Variants in BPIFA3 observed in about 807,000 individuals in gnomAD.
The protein encoded by BPIFA3 is BPI fold containing family A member 3, also known as BPI fold-containing family A member 3.
A neutral mutation model predicts 29.7 loss-of-function variants in BPIFA3; 32 were observed. The ratio of observed to expected loss-of-function variants is 1.08; its 90% CI spans 0.81 to 1.45. The LOEUF (loss-of-function observed/expected upper bound fraction) is 1.45. BPIFA3 is among the 40% of genes most tolerant of loss of function. The pLI, the probability that BPIFA3 is intolerant of heterozygous loss-of-function variation, is 0.00. For missense variants in BPIFA3, 323 were observed against 311.3 expected, an observed-to-expected ratio of 1.04 and a Z score of -0.28; for synonymous variants, 112 against 113.7, an observed-to-expected ratio of 0.98 and a Z score of 0.10.
rs1568624250 is a variant in BPIFA3, at chr20:33,223,971, TGAGTTCTATCCGTGGCCCTG to T, written c.278+13_278+32del. The T allele has an allele frequency of 6.2e-7, 1 of 1,613,316 alleles. No individual in the cohort carries two copies. On this transcript the variant is annotated intron_variant, in intron 2 of 6. Coordinates refer to ENST00000375454, the MANE Select transcript of BPIFA3 (RefSeq NM_178466.5). ...AGCAGCAAGAGAGCAGGTGAGACCC[TGAGTTCTATCCGTGGCCCTG>T]GAACTCTTTATAGAGCTCTAGATCG...
chr20:33,224,206 C>G (rs1379353532), intron 2 of BPIFA3, 149 bp from the exon 3 acceptor site: 1 of 801,496 alleles, frequency 1.2e-6, no homozygotes, highest in South Asian at 1.8e-5. Flanking sequence ...GCACCTGACT[C>G]TTGCCCTCAG....
Position 33,226,507 on chromosome 20 carries a change from CTT to C in BPIFA3, c.621+19_621+20del. 1 of 1,564,484 alleles carries C rather than the reference CTT, an allele frequency of 6.4e-7. No homozygotes were observed. ...GAAAGTCAGGTAAGTTTAGAAAAAA[CTT>C]TGCATCTTGAGCATCCTTGAGTCCG... On this transcript the variant is annotated intron_variant, in intron 5 of 6. Coordinates refer to ENST00000375454, the MANE Select transcript of BPIFA3 (RefSeq NM_178466.5).
At position 33,225,153 on chromosome 20, in the gene BPIFA3, T is replaced by C. The variant is rs146096538; in HGVS notation, c.442T>C (p.Phe148Leu). Residue 148 changes from phenylalanine (F) to leucine (L), a missense_variant, in exon 4 of 7, where the codon TTC becomes CTC. Physicochemically the swap from Phe to Leu is conservative, Grantham distance 22. Coordinates refer to ENST00000375454, the MANE Select transcript of BPIFA3 (RefSeq NM_178466.5). ...TGCACATATGAGCATCGTTGTGGAG[T>C]TCTGGCTGGAGAAAGACGAGTTTGG... is the stretch of plus-strand genomic sequence containing the variant. ...MCAHMSIVVE[F>L]WLEKDEFGRR... is the part of the protein sequence containing the mutation. 6.2e-7 allele frequency: 1 copy of C among 1,613,890 alleles called. No homozygotes were observed.
intron 6 of BPIFA3, 89 bp from the exon 7 acceptor site, chr20:33,227,449 G>A (rs1978352865): frequency 1.8e-6 from 2 of 1,108,380 alleles, no homozygotes; most frequent in East Asian, 2.4e-5. Context: ...ACCTGCCTTT[G>A]GTCACCATGG....
intron 1 of BPIFA3, among the ~76,000 whole-genome samples, chr20:33,223,093 A>G (rs148885500): frequency 2.0e-5 from 3 of 152,314 alleles, no homozygotes; most frequent in African/African-American, 4.8e-5. Context: ...CTTGTTTGTA[A>G]GCGACAGAAA....
chr20:33,225,913 C>T (rs1985758397), intron 4 of BPIFA3: 1 of 163,340 alleles, frequency 6.1e-6, no homozygotes, highest in South Asian at 1.8e-4. Flanking sequence ...GCCAGCACCA[C>T]ACCTGATGCT....
chr20:33,224,240 C>G (rs1490670020), intron 2 of BPIFA3, 115 bp from the exon 3 acceptor site: 1 of 928,218 alleles, frequency 1.1e-6, no homozygotes, highest in African/African-American at 1.7e-5. Flanking sequence ...GAATCACAGT[C>G]CAAATCCCAT....
In BPIFA3 at chr20:33,217,360, C is replaced by T; in HGVS notation, c.-177C>T. On this transcript the variant is annotated 5_prime_UTR_variant, in exon 1 of 7. Coordinates refer to ENST00000375454, the MANE Select transcript of BPIFA3 (RefSeq NM_178466.5). ...CCACATGTTGCTCTCCCAATGTGAG[C>T]AAGCCCTGGTGGCAGCGCCAGGGTC... is the stretch of plus-strand genomic sequence containing the variant. The T allele has an allele frequency of 1.4e-6, 1 of 719,894 alleles. No individual in the cohort carries two copies. The highest frequency in any genetic ancestry group is 2.1e-6 in the Non-Finnish European group (1 of 473,190). 44.6% of individuals were successfully genotyped at this position (719,894 alleles called of 1,614,324 possible).
intron 1 of BPIFA3, chr20:33,223,433 C>T (rs959253573): frequency 1.8e-5 from 3 of 164,308 alleles, no homozygotes; most frequent in Non-Finnish European, 4.0e-5. Context: ...TGGTGTGGAG[C>T]AATTTACATC....
chr20:33,224,578 G>T lies in BPIFA3; in HGVS notation c.386+116G>T, dbSNP rs1985687769. 4 of 866,866 alleles carry T rather than the reference G, an allele frequency of 4.6e-6. No homozygotes were observed. The Admixed American group carries it at 8.2e-5, about 18-fold the overall frequency. 53.7% of individuals were successfully genotyped at this position (866,866 alleles called of 1,614,324 possible). A position where few individuals can be genotyped will look rare whatever the true frequency, so the allele number is the denominator to read the frequency against. Reference sequence around the variant, plus strand: ...CAAATCCTGGCTTCCAAAGCCACTTGCTGTGTGACCTTGGGCAAGTCACTT... The same window carrying T: ...CAAATCCTGGCTTCCAAAGCCACTTTCTGTGTGACCTTGGGCAAGTCACTT... On this transcript the variant is annotated intron_variant, in intron 3 of 6. Transcript: ENST00000375454.
At position 33,227,528 on chromosome 20, in the gene BPIFA3, C is replaced by T; in HGVS notation, c.686-10C>T. On this transcript the variant is annotated splice_polypyrimidine_tract_variant and intron_variant, in intron 6 of 6. Transcript: ENST00000375454. ...ACACTGGTGACAGACGCTACCTCTT[C>T]TCCTTACAGAACAGGAGGCTGCTCA... 6.2e-7 allele frequency: 1 copy of T among 1,611,956 alleles called. No homozygotes were observed. Among genetic ancestry groups the T allele is most frequent in the Non-Finnish European group, 8.5e-7 (1 of 1,178,052 alleles).
At chr20:33,224,323 C>T in intron 2 of BPIFA3, 32 bp from the exon 3 acceptor site, 1 of 1,578,746 alleles carries the variant, frequency 6.3e-7, no homozygotes, top group Non-Finnish European at 8.7e-7. Context: ...AGTCCCTCAC[C>T]CTTGTGGGGC....
rs1472796847 is a variant in BPIFA3 at position 33,217,498 on chromosome 20, C to G, written c.-39C>G. ...CACCCTCAAAGCCGTCTGCCCAGGC[C>G]CCATCTGACACTCTTGACATCTGCA... On this transcript the variant is annotated 5_prime_UTR_variant, in exon 1 of 7. Transcript: ENST00000375454. The G allele has an allele frequency of 6.2e-7, 1 of 1,607,600 alleles. No homozygotes were observed. The highest frequency in any genetic ancestry group is 1.3e-5 in the African/African-American group (1 of 74,616).
Position 33,217,396 on chromosome 20 carries a change from C to A in BPIFA3, c.-141C>A. The A allele has an allele frequency of 1.8e-6, 2 of 1,116,398 alleles. No individual in the cohort carries two copies. The highest frequency in any genetic ancestry group is 2.5e-6 in the Non-Finnish European group (2 of 804,356). 69.2% of individuals were successfully genotyped at this position (1,116,398 alleles called of 1,614,324 possible). On this transcript the variant is annotated 5_prime_UTR_variant, in exon 1 of 7. Transcript: ENST00000375454. ...GGCAGCGCCAGGGTCCAGTGCAGCC[C>A]CTCCCCACAGCATGCTGGGGGCTAA... is the stretch of plus-strand genomic sequence containing the variant.
Position 33,219,570 on chromosome 20 carries a change from C to T in BPIFA3, c.127+1907C>T, listed in dbSNP as rs534964921. On this transcript the variant is annotated intron_variant, in intron 1 of 6. Transcript: ENST00000375454. ...CTCTGGAGGCTATCTTTATGTATGCCTGTGTATGTAAGGCAGAGATTCAGC... is the reference window on the plus strand; with the variant it reads ...CTCTGGAGGCTATCTTTATGTATGCTTGTGTATGTAAGGCAGAGATTCAGC... 2.6e-5 allele frequency among the ~76,000 whole-genome samples: 4 copies of T among 152,160 alleles called. No individual in the cohort carries two copies. The East Asian group carries it at 7.7e-4, about 29-fold the overall frequency.
chr20:33,223,832 A>G lies in BPIFA3; in HGVS notation c.149A>G (p.Lys50Arg). 1.2e-6 allele frequency: 2 copies of G among 1,613,966 alleles called. No homozygotes were observed. The highest frequency in any genetic ancestry group is 1.7e-5 in the Admixed American group (1 of 60,018). The change falls in exon 2 of 7, where the codon AAG (lysine) becomes AGG (arginine). Residue 50 changes from lysine to arginine, a missense_variant. Transcript: ENST00000375454. Reference protein sequence around the residue: ...LARIIAQGLIKHNAESRIQNI... With the variant: ...LARIIAQGLIRHNAESRIQNI... ...CCAGTTATTGCTCAGGGCCTCATAAAGCACAACGCAGAAAGCCGAATTCAG... is the reference window on the plus strand; with the variant it reads ...CCAGTTATTGCTCAGGGCCTCATAAGGCACAACGCAGAAAGCCGAATTCAG...
At chr20:33,221,149 ATTTTT>A (rs11468471) in intron 1 of BPIFA3, among the ~76,000 whole-genome samples, 4 of 138,478 alleles carry the variant, frequency 2.9e-5, no homozygotes, top group African/African-American at 1.0e-4. Flanking sequence ...GTACTGTTAG[ATTTTT>A]TTTTTTTTTT....
At position 33,217,551 on chromosome 20, in the gene BPIFA3, C is replaced by T. The variant is rs1449528543; in HGVS notation, c.15C>T (p.Leu5=). The T allele has an allele frequency of 1.9e-6, 3 of 1,614,066 alleles. No homozygotes were observed. The highest frequency in any genetic ancestry group is 2.5e-6 in the Non-Finnish European group (3 of 1,180,014). The change falls in exon 1 of 7, where the codon CTC becomes CTT. Residue 5 remains leucine, a synonymous_variant. Transcript: ENST00000375454. ...TCCCAGACCCTATGATGTGTCCACT[C>T]TGGAGGCTCCTCATCTTCCTCGGGT... is the stretch of plus-strand genomic sequence containing the variant. The part of the protein sequence containing the change: MMCP[L]WRLLIFLGLL...
chr20:33,226,558 G>T, intron 5 of BPIFA3, 68 bp downstream of exon 5: 1 of 979,214 alleles, frequency 1.0e-6, no homozygotes, highest in Non-Finnish European at 1.6e-6. Flanking sequence ...ATATCCACTG[G>T]CAATTTAGCA....
Sources: gnomAD v4.1 joint callset for allele counts (sites outside exome capture counted in the v4.1 genomes callset) on GRCh38, gnomAD v4.1.1 for gene constraint, MANE v1.5 for transcripts, NCBI Gene and HGNC (gene_info 2026-07-23, HGNC 2026-07-21) for gene names.